The following FRS2 variants were observed in gnomAD, a reference collection of about 807,000 sequenced individuals.
The protein encoded by FRS2 is FGFR signalling adaptor.
Under a neutral mutation model 43.9 loss-of-function variants are expected in FRS2, and 8 were observed. The ratio of observed to expected loss-of-function variants is 0.18; its 90% CI spans 0.11 to 0.33. FRS2 has a LOEUF of 0.33. Ranked by LOEUF, FRS2 falls within the 10% of genes least tolerant of loss-of-function variation. FRS2 has a pLI of 1.00. For synonymous variants in FRS2, 219 were observed against 220.3 expected (o/e 0.99, Z 0.05); for missense variants, 534 against 627.6 (o/e 0.85, Z 1.59).
rs201103216 is a variant in FRS2, at chr12:69,522,190, TTGTGTG to T, written c.-260-8633_-260-8628del. On this transcript the variant is annotated intron_variant, in intron 1 of 8. Transcript: ENST00000549921. Reference sequence around the variant, plus strand: ...TCAAGGATATTGGCTGAAGTTTTCTTTGTGTGTGTGTGTGTGTGTGTGTGTGTGTGT... The same window carrying T: ...TCAAGGATATTGGCTGAAGTTTTCTTTGTGTGTGTGTGTGTGTGTGTGTGT... Among the ~76,000 whole-genome samples the T allele has an allele frequency of 5.4e-3, 727 of 134,814 alleles. 5 individuals carry two copies. The highest frequency in any genetic ancestry group is 0.011 in the South Asian group (45 of 3,940). 88.4% of individuals were successfully genotyped at this position (134,814 alleles called of 152,430 possible). A position where few individuals can be genotyped will look rare whatever the true frequency, so the allele number is the denominator to read the frequency against.
At chr12:69,507,202 C>G (rs762085898) in intron 1 of FRS2, among the ~76,000 whole-genome samples, 9 of 152,048 alleles carry the variant, frequency 5.9e-5, no homozygotes, top group Non-Finnish European at 1.2e-4. Flanking sequence ...TACTTCTTAC[C>G]CCCTCTCCTA....
intron 5 of FRS2, among the ~76,000 whole-genome samples, chr12:69,569,734 A>G (rs889921932): frequency 5.1e-4 from 77 of 152,328 alleles, no homozygotes; most frequent in Non-Finnish European, 8.2e-4. Context: ...TGAGGGTTAA[A>G]TACATGTAAA....
At chr12:69,472,356 G>A (rs768305347) in intron 1 of FRS2, among the ~76,000 whole-genome samples, 4 of 150,484 alleles carry the variant, frequency 2.7e-5, no homozygotes, top group Non-Finnish European at 4.4e-5. Flanking sequence ...GCCTTCCAAA[G>A]TGCTGGGATT....
intron 1 of FRS2, among the ~76,000 whole-genome samples, chr12:69,488,260 C>A (rs1430275208): frequency 6.6e-6 from 1 of 152,098 alleles, no homozygotes; most frequent in South Asian, 2.1e-4. Context: ...TCATTTGATG[C>A]GGCAAGTGAT....
chr12:69,484,467 A>C (rs1313969410), intron 1 of FRS2, among the ~76,000 whole-genome samples: 1 of 152,188 alleles, frequency 6.6e-6, no homozygotes. Context: ...TTTAGCTTAC[A>C]GGTTTACCTA....
intron 1 of FRS2, among the ~76,000 whole-genome samples, chr12:69,526,916 G>A (rs961968024): frequency 6.6e-6 from 1 of 151,968 alleles, no homozygotes; most frequent in Non-Finnish European, 1.5e-5. Context: ...GTAGAGACAG[G>A]GTTTCACCAT....
intron 1 of FRS2, 68 bp downstream of exon 1, chr12:69,470,598 C>T (rs1237046611): frequency 1.0e-5 from 4 of 396,306 alleles, no homozygotes; most frequent in Admixed American, 8.8e-5. Context: ...CTCGTGCCCC[C>T]GCTGCCCGCT....
intron 3 of FRS2, among the ~76,000 whole-genome samples, chr12:69,555,977 G>A (rs188668914): frequency 1.0e-3 from 148 of 142,748 alleles, no homozygotes; most frequent in African/African-American, 3.6e-3. Context: ...TTGGCATTTG[G>A]CATAGCTTCT....
At chr12:69,500,280 G>A (rs1025280917) in intron 1 of FRS2, among the ~76,000 whole-genome samples, 2 of 152,138 alleles carry the variant, frequency 1.3e-5, no homozygotes, top group African/African-American at 4.8e-5. Context: ...AGGCTTGAGG[G>A]ATTGAAAAGC....
intron 1 of FRS2, among the ~76,000 whole-genome samples, chr12:69,519,832 T>C (rs1330003858): frequency 1.3e-5 from 2 of 152,238 alleles, no homozygotes; most frequent in East Asian, 1.9e-4. Flanking sequence ...AGGTTGATTC[T>C]GTGTCTTTGC....
intron 1 of FRS2, among the ~76,000 whole-genome samples, chr12:69,485,099 A>ACACACACACACGCG (rs1555183193): frequency 1.4e-5 from 2 of 143,050 alleles, no homozygotes; most frequent in Non-Finnish European, 3.0e-5. Flanking sequence ...ACACACACAC[A>ACACACACACACGCG]CACACACACA....
intron 1 of FRS2, among the ~76,000 whole-genome samples, chr12:69,514,845 G>T (rs1874829555): frequency 6.9e-6 from 1 of 144,636 alleles, no homozygotes; most frequent in East Asian, 2.0e-4. Context: ...AAAAAAAAAA[G>T]ATGGGTGGAG....
intron 1 of FRS2, among the ~76,000 whole-genome samples, chr12:69,483,664 G>T (rs1871551947): frequency 6.6e-6 from 1 of 151,832 alleles, no homozygotes; most frequent in Admixed American, 6.5e-5. Context: ...ATATTTAGTT[G>T]TTGCTATCAT....
chr12:69,547,496 A>G (rs1387901938), intron 3 of FRS2, among the ~76,000 whole-genome samples: 1 of 152,178 alleles, frequency 6.6e-6, no homozygotes, highest in Admixed American at 6.5e-5. Flanking sequence ...TGGATGATGG[A>G]TAGTTAAGAT....
chr12:69,479,213 G>A (rs1202874209), intron 1 of FRS2, among the ~76,000 whole-genome samples: 1 of 151,570 alleles, frequency 6.6e-6, no homozygotes, highest in Non-Finnish European at 1.5e-5. Flanking sequence ...ACTTTTTGTT[G>A]GAAAATAACT....
intron 1 of FRS2, among the ~76,000 whole-genome samples, chr12:69,516,442 T>G (rs939826761): frequency 2.2e-4 from 34 of 152,216 alleles, no homozygotes; most frequent in African/African-American, 7.7e-4. Flanking sequence ...GGTCTTGAAC[T>G]CCGGACCTCA....
At chr12:69,521,381 A>T (rs1875622639) in intron 1 of FRS2, among the ~76,000 whole-genome samples, 1 of 152,074 alleles carries the variant, frequency 6.6e-6, no homozygotes, top group Non-Finnish European at 1.5e-5. Flanking sequence ...CTCCTATTTG[A>T]ATGCCCTTTA....
intron 3 of FRS2, among the ~76,000 whole-genome samples, chr12:69,540,503 A>G (rs1877806008): frequency 6.6e-6 from 1 of 152,234 alleles, no homozygotes; most frequent in Admixed American, 6.5e-5. Context: ...CAGAGTATAA[A>G]ATAAATATCC....
intron 1 of FRS2, among the ~76,000 whole-genome samples, chr12:69,495,765 G>A (rs1872821546): frequency 6.6e-6 from 1 of 152,072 alleles, no homozygotes; most frequent in Non-Finnish European, 1.5e-5. Flanking sequence ...AGCTGGCTGT[G>A]GTGGTGCACA....
Sources: allele counts gnomAD v4.1 joint callset (sites outside exome capture counted in the v4.1 genomes callset), GRCh38; gene constraint gnomAD v4.1.1; transcripts MANE v1.5; gene names NCBI Gene and HGNC (gene_info 2026-07-23, HGNC 2026-07-21).